The following LUC7L2 variants were observed in gnomAD, a reference collection of about 807,000 sequenced individuals.
LUC7L2 encodes the protein putative RNA-binding protein Luc7-like 2.
Under a neutral mutation model 52.8 loss-of-function variants are expected in LUC7L2, and 25 were observed. The ratio of observed to expected loss-of-function variants is 0.47; its 90% CI spans 0.34 to 0.66. The LOEUF (loss-of-function observed/expected upper bound fraction) is 0.66, where lower values mean the gene tolerates loss of function less well. LUC7L2 is among the 30% of genes least tolerant of loss of function. The pLI, the probability that LUC7L2 is intolerant of heterozygous loss-of-function variation, is 0.01. For missense variants in LUC7L2, 328 were observed against 497.8 expected (o/e 0.66, Z 3.25); for synonymous variants, 144 against 160.9 (o/e 0.89, Z 0.80).
rs1569386297 is a variant in LUC7L2 at position 139,398,674 on chromosome 7, C to G, written c.232C>G (p.Gln78Glu). Reference sequence around the variant, plus strand: ...GGATTATGAAATTGCATCCAAAGAACAAGATTTTTTCTTTGAACTTGATGT... The same window carrying G: ...GGATTATGAAATTGCATCCAAAGAAGAAGATTTTTTCTTTGAACTTGATGT... The part of the protein sequence containing the change: ...RADYEIASKE[Q>E]DFFFELDAMD... The change falls in exon 3 of 10, where the codon CAA (glutamine) becomes GAA (glutamate). Residue 78 changes from glutamine (Q) to glutamate (E), a missense_variant. Physicochemically the swap from Gln to Glu is conservative, Grantham distance 29. This residue lies in a region of LUC7L2 where 133 missense variants were observed against 274.4 expected (regional missense o/e 0.48). Transcript: ENST00000354926. 1 of 1,611,418 alleles carries G rather than the reference C, an allele frequency of 6.2e-7. No individual in the cohort carries two copies. Among genetic ancestry groups the G allele is most frequent in the African/African-American group, 1.3e-5 (1 of 74,930 alleles).
chr7:139,406,974 T>C (rs1795142839), intron 5 of LUC7L2, among the ~76,000 whole-genome samples, 200 bp from the exon 6 acceptor site: 1 of 148,058 alleles, frequency 6.8e-6, no homozygotes, highest in African/African-American at 2.6e-5. Context: ...CCTATAATTT[T>C]CATAACAAAA....
At chr7:139,374,784 A>C in intron 1 of LUC7L2, 1 of 1,137,094 alleles carries the variant, frequency 8.8e-7, no homozygotes, top group South Asian at 3.1e-5. Flanking sequence ...ATCTTACCCC[A>C]TCTAAAAATG....
At chr7:139,418,428 T>A (rs1795727396) in intron 9 of LUC7L2, among the ~76,000 whole-genome samples, 1 of 152,230 alleles carries the variant, frequency 6.6e-6, no homozygotes, top group Non-Finnish European at 1.5e-5. Context: ...TTAAACCAGG[T>A]AATTTCTGTG....
chr7:139,375,068 A>T (rs547900889), intron 1 of LUC7L2: 32 of 983,606 alleles, frequency 3.3e-5, no homozygotes, highest in African/African-American at 5.2e-5. Context: ...TAAAACACCT[A>T]CATTTCTTAG....
intron 1 of LUC7L2, chr7:139,345,805 C>T: frequency 7.6e-7 from 1 of 1,314,742 alleles, no homozygotes; most frequent in South Asian, 1.7e-5. Flanking sequence ...AGGTTTTTCT[C>T]TGTAATTTTG....
At chr7:139,414,684 T>C (rs1795509577) in intron 8 of LUC7L2, among the ~76,000 whole-genome samples, 1 of 152,192 alleles carries the variant, frequency 6.6e-6, no homozygotes, top group Non-Finnish European at 1.5e-5. Context: ...GTCTTTTCCT[T>C]CAACATGCTG....
At chr7:139,421,722 A>G (rs575102378) in intron 9 of LUC7L2, among the ~76,000 whole-genome samples, 2 of 152,332 alleles carry the variant, frequency 1.3e-5, no homozygotes, top group South Asian at 2.1e-4. Flanking sequence ...TTTACATTCT[A>G]AAAAGAAAAG....
intron 9 of LUC7L2, among the ~76,000 whole-genome samples, 191 bp from the exon 10 acceptor site, chr7:139,421,971 AC>A (rs1275664518): frequency 6.6e-6 from 1 of 151,916 alleles, no homozygotes; most frequent in Non-Finnish European, 1.5e-5. Context: ...TTTGTTTTTC[AC>A]CCATCTTCTT....
At chr7:139,393,051 G>A (rs1794513036) in intron 2 of LUC7L2, among the ~76,000 whole-genome samples, 1 of 152,092 alleles carries the variant, frequency 6.6e-6, no homozygotes, top group Non-Finnish European at 1.5e-5. Context: ...TGAATTACCT[G>A]AGGTGAAGAG....
chr7:139,417,845 G>T lies in LUC7L2; in HGVS notation c.1001+116G>T. ...TTATTGGTTTGAAACTTTTGCATCTGGTAATATGTACACATTTATGTGTGG... is the reference window on the plus strand; with the variant it reads ...TTATTGGTTTGAAACTTTTGCATCTTGTAATATGTACACATTTATGTGTGG... On this transcript the variant is annotated intron_variant, in intron 9 of 9. Transcript: ENST00000354926. 1.5e-6 allele frequency: 2 copies of T among 1,360,754 alleles called. 1 individual carries two copies. The highest frequency in any genetic ancestry group is 3.1e-5 in the South Asian group (2 of 65,260). 84.3% of individuals were successfully genotyped at this position (1,360,754 alleles called of 1,614,324 possible).
chr7:139,420,802 T>A (rs1795868561), intron 9 of LUC7L2, among the ~76,000 whole-genome samples: 1 of 152,064 alleles, frequency 6.6e-6, no homozygotes, highest in Non-Finnish European at 1.5e-5. Context: ...GGCACTGTGA[T>A]TTTTTGTTGT....
intron 1 of LUC7L2, chr7:139,340,595 G>T (rs771750222): frequency 7.5e-6 from 3 of 397,390 alleles, no homozygotes; most frequent in Non-Finnish European, 1.3e-5. Context: ...TCACGTGGGC[G>T]CTAGGTGTGG....
At chr7:139,353,600 C>A (rs1297622153) in intron 1 of LUC7L2, among the ~76,000 whole-genome samples, 1 of 152,130 alleles carries the variant, frequency 6.6e-6, no homozygotes, top group Non-Finnish European at 1.5e-5. Flanking sequence ...GGAGGCCATC[C>A]TGGCCAACAT....
At chr7:139,341,358 G>T (rs1185045148) in intron 1 of LUC7L2, 1 of 1,595,046 alleles carries the variant, frequency 6.3e-7, no homozygotes, top group Non-Finnish European at 8.6e-7. Context: ...ACGCCGTTGG[G>T]CACCACGCTC....
At position 139,422,150 on chromosome 7, in the gene LUC7L2, T is replaced by C. The variant is rs1158316835; in HGVS notation, c.1002-13T>C. On this transcript the variant is annotated splice_polypyrimidine_tract_variant and intron_variant, in intron 9 of 9. Coordinates refer to ENST00000354926, the MANE Select transcript of LUC7L2 (RefSeq NM_016019.5). The stretch of plus-strand genomic sequence containing the variant: ...TCCCAACATATTTTGCTCCTCAAAT[T>C]AATATTTTTCAGATCCTCAAAAGAA... The C allele has an allele frequency of 6.3e-7, 1 of 1,586,718 alleles. No homozygotes were observed. The highest frequency in any genetic ancestry group is 1.4e-5 in the African/African-American group (1 of 73,186).
chr7:139,341,823 C>T (rs915572637), intron 1 of LUC7L2, among the ~76,000 whole-genome samples: 1 of 152,094 alleles, frequency 6.6e-6, no homozygotes, highest in Non-Finnish European at 1.5e-5. Context: ...GGAGGGCAGT[C>T]AGGAAAGTGG....
At chr7:139,418,690 T>C (rs1044694775) in intron 9 of LUC7L2, among the ~76,000 whole-genome samples, 18 of 152,206 alleles carry the variant, frequency 1.2e-4, no homozygotes, top group African/African-American at 4.3e-4. Flanking sequence ...ATTTCTTATA[T>C]TCTGGCCTTG....
chr7:139,389,091 C>CT (rs1427267760), intron 2 of LUC7L2, among the ~76,000 whole-genome samples: 1 of 150,174 alleles, frequency 6.7e-6, no homozygotes, highest in Non-Finnish European at 1.5e-5. Context: ...TGGTTTACCT[C>CT]TGTCACCTCC....
chr7:139,350,199 G>A (rs1799406519), intron 1 of LUC7L2, among the ~76,000 whole-genome samples: 2 of 152,104 alleles, frequency 1.3e-5, no homozygotes, highest in East Asian at 3.9e-4. Context: ...TCTGCTCACT[G>A]CAAGCTCCGC....
Sources: gnomAD v4.1 joint callset for allele counts (sites outside exome capture counted in the v4.1 genomes callset) on GRCh38, gnomAD v4.1.1 for gene constraint, gnomAD v4.1.1 regional missense constraint, MANE v1.5 for transcripts, NCBI Gene and HGNC (gene_info 2026-07-23, HGNC 2026-07-21) for gene names.